CHRNA2: variants seen among roughly 807,000 people sequenced by gnomAD.
CHRNA2 encodes neuronal acetylcholine receptor subunit alpha-2.
Under a neutral mutation model 45.5 loss-of-function variants are expected in CHRNA2, and 40 were observed. The ratio of observed to expected loss-of-function variants is 0.88; its 90% CI spans 0.68 to 1.15. The LOEUF is 1.15. Among genes scored for constraint, CHRNA2 ranks in the 50% most tolerant of loss-of-function variants. The pLI is 0.00. For synonymous variants in CHRNA2, 301 were observed against 296.7 expected, an observed-to-expected ratio of 1.01 and a Z score of -0.15; for missense variants, 655 against 701.7, an observed-to-expected ratio of 0.93 and a Z score of 0.75.
chr8:27,469,663 G>A, intron 3 of CHRNA2, 98 bp downstream of exon 3: 1 of 1,447,286 alleles, frequency 6.9e-7, no homozygotes, highest in South Asian at 1.1e-5. Flanking sequence ...TCACTGCTGT[G>A]CGTGAGGGCA....
rs772487934 is a variant in CHRNA2, at chr8:27,461,715, T to C, written c.1504A>G (p.Arg502Gly). Reference protein sequence around the residue: ...DWKYVAMVIDRIFLWLFIIVC... With the variant: ...DWKYVAMVIDGIFLWLFIIVC... ...ATGATAAACAGCCAGAGGAAGATCC[T>C]GTCGATGACCATGGCAACATACTTC... Residue 502 changes from arginine to glycine, a missense_variant, in exon 7 of 7, where the codon AGG (arginine) becomes GGG (glycine). Physicochemically the swap from Arg to Gly is moderately radical, Grantham distance 125. Coordinates refer to ENST00000407991, the MANE Select transcript of CHRNA2 (RefSeq NM_000742.4). The C allele has an allele frequency of 2.5e-6, 4 of 1,614,218 alleles. No individual in the cohort carries two copies. Among genetic ancestry groups the C allele is most frequent in the Non-Finnish European group, 3.4e-6 (4 of 1,180,012 alleles).
In CHRNA2 at chr8:27,463,826, TAAGTCCAGGA is replaced by T; in HGVS notation, c.607_616del (p.Ser203MetfsTer17). 4 of 1,614,146 alleles carry T rather than the reference TAAGTCCAGGA, an allele frequency of 2.5e-6. No homozygotes were observed. The highest frequency in any genetic ancestry group is 3.4e-6 in the Non-Finnish European group (4 of 1,180,008). ...CTCCAGGTCGATCTTGGCCTTGTCA[TAAGTCCAGGA>T]GCCAAACTTCATCTTGCAGTTCTGC... On this transcript the variant is annotated frameshift_variant, in exon 6 of 7. Transcript: ENST00000407991. LOFTEE classifies it high-confidence loss of function. This position sits in a 1 kb window ranked among gnomAD's most constrained non-coding sequence, Gnocchi z 6.1.
At chr8:27,466,962 A>T (rs1315928196) in intron 5 of CHRNA2, among the ~76,000 whole-genome samples, 3 of 152,214 alleles carry the variant, frequency 2.0e-5, no homozygotes, top group Non-Finnish European at 4.4e-5. Flanking sequence ...TTCAAAGAAT[A>T]CTCAGTATGG....
intron 4 of CHRNA2, 32 bp downstream of exon 4, chr8:27,469,303 C>T (rs757951570): frequency 5.1e-5 from 78 of 1,537,304 alleles, no homozygotes; most frequent in Non-Finnish European, 6.4e-5. Context: ...TCCCGGTACC[C>T]GCCACCTGGA....
Position 27,461,746 on chromosome 8 carries a change from C to T in CHRNA2, c.1473G>A (p.Glu491=), listed in dbSNP as rs1270908053. ...TGACCATGGCAACATACTTCCAGTC[C>T]TCCTTCACCTGTGGGGAAGACAGCA... ...RSEDADSSVK[E]DWKYVAMVID... Residue 491 remains glutamate (E), a synonymous_variant, in exon 7 of 7, where the codon GAG becomes GAA. Transcript: ENST00000407991. 6.2e-7 allele frequency: 1 copy of T among 1,614,132 alleles called. No homozygotes were observed. The highest frequency in any genetic ancestry group is 1.7e-5 in the Admixed American group (1 of 60,024).
At chr8:27,466,853 T>G (rs944565608) in intron 5 of CHRNA2, among the ~76,000 whole-genome samples, 1 of 152,200 alleles carries the variant, frequency 6.6e-6, no homozygotes. Flanking sequence ...ACATGCCCTT[T>G]GAAGGTGCTG....
chr8:27,465,441 A>T (rs970604810), intron 5 of CHRNA2, among the ~76,000 whole-genome samples: 18 of 151,252 alleles, frequency 1.2e-4, no homozygotes, highest in East Asian at 9.7e-4. Flanking sequence ...GTTAAAAAAA[A>T]TTTTTTTTTG....
In CHRNA2 at chr8:27,479,253, C is replaced by CACACACACAT. The variant is rs1439390189; in HGVS notation, c.-567_-566insATGTGTGTGT. The CACACACACAT allele has an allele frequency of 2.1e-5, 3 of 144,198 alleles. No homozygotes were observed. Among genetic ancestry groups the CACACACACAT allele is most frequent in the African/African-American group, 7.8e-5 (3 of 38,464 alleles). The allele number at this position is 144,198 out of a possible 1,614,324, so 8.9% of individuals were successfully genotyped here. On this transcript the variant is annotated 5_prime_UTR_variant, in exon 1 of 7. In the 5' UTR this introduces an upstream ATG that the reference lacks. Coordinates refer to ENST00000407991, the MANE Select transcript of CHRNA2 (RefSeq NM_000742.4). ...CACGCTGTTCTCTCTCTCTCTCACACACACACACACATACACACACACACA... is the reference window on the plus strand; with the variant it reads ...CACGCTGTTCTCTCTCTCTCTCACACACACACACATACACACACACATACACACACACACA...
intron 6 of CHRNA2, among the ~76,000 whole-genome samples, chr8:27,462,719 C>G (rs71519636): frequency 1.3e-5 from 2 of 152,220 alleles, no homozygotes; most frequent in East Asian, 3.9e-4. Flanking sequence ...CCTCCCTCTC[C>G]GGCTCTCAGG....
At chr8:27,476,162 G>T (rs562693166) in intron 1 of CHRNA2, among the ~76,000 whole-genome samples, 1 of 152,288 alleles carries the variant, frequency 6.6e-6, no homozygotes, top group African/African-American at 2.4e-5. Context: ...GTAAGAGAAT[G>T]TACTACCTCA....
intron 1 of CHRNA2, among the ~76,000 whole-genome samples, chr8:27,475,799 C>T (rs938078510): frequency 3.4e-4 from 51 of 152,150 alleles, no homozygotes; most frequent in African/African-American, 1.2e-3. Context: ...GAAATGGGAT[C>T]GCTACATTGA....
rs886062847 is a variant in CHRNA2 at position 27,471,208 on chromosome 8, A to G, written c.-136-14T>C. On this transcript the variant is annotated splice_polypyrimidine_tract_variant and intron_variant, in intron 1 of 6. Transcript: ENST00000407991. ...TCACCACCGAACCTGAGCAAGCCCA[A>G]GAAAGGGCTCTTAGGGTCATGCATC... 46 of 712,896 alleles carry G rather than the reference A, an allele frequency of 6.5e-5. No homozygotes were observed. Among genetic ancestry groups the G allele is most frequent in the Admixed American group, 2.3e-4 (11 of 47,298 alleles). 44.2% of individuals were successfully genotyped at this position (712,896 alleles called of 1,614,324 possible). A position where few individuals can be genotyped will look rare whatever the true frequency, so the allele number is the denominator to read the frequency against.
At chr8:27,467,868 T>G (rs762737207) in intron 4 of CHRNA2, among the ~76,000 whole-genome samples, 1 of 152,064 alleles carries the variant, frequency 6.6e-6, no homozygotes, top group African/African-American at 2.4e-5. Context: ...ACCTTCAAAC[T>G]GCACTCTCAA....
Position 27,461,775 on chromosome 8 carries a change from A to G in CHRNA2, c.1465-21T>C, listed in dbSNP as rs735421. 0.31 allele frequency: 501,053 copies of G among 1,613,550 alleles called. 80,319 individuals are homozygous for G. The highest frequency in any genetic ancestry group is 0.35 in the Middle Eastern group (2,132 of 6,050). On this transcript the variant is annotated intron_variant, in intron 6 of 6. Coordinates refer to ENST00000407991, the MANE Select transcript of CHRNA2 (RefSeq NM_000742.4). Reference sequence around the variant, plus strand: ...TTCACCTGTGGGGAAGACAGCACACAGTGACAGGGGCCAGGCCTGGGAAAG... The same window carrying G: ...TTCACCTGTGGGGAAGACAGCACACGGTGACAGGGGCCAGGCCTGGGAAAG...
Position 27,469,398 on chromosome 8 carries a change from G to C in CHRNA2, c.295-19C>G, listed in dbSNP as rs1304014761. ...TCTCATCCTGGCCCAGAGAGAGACA[G>C]AGGAGCAATTAAAGGGGTGGGCCCA... On this transcript the variant is annotated intron_variant, in intron 3 of 6. Transcript: ENST00000407991. 16 of 1,554,468 alleles carry C rather than the reference G, an allele frequency of 1.0e-5. No individual in the cohort carries two copies. The highest frequency in any genetic ancestry group is 3.6e-5 in the South Asian group (3 of 84,262).
Position 27,469,781 on chromosome 8 carries a change from T to C in CHRNA2, c.274A>G (p.Ile92Val), listed in dbSNP as rs767229210. Reference sequence around the variant, plus strand: ...CGCACCACATCGATGAGCTGAGCGATGGACAGTCCAAAGCGCACAATCACC... The same window carrying C: ...CGCACCACATCGATGAGCTGAGCGACGGACAGTCCAAAGCGCACAATCACC... ...DVVIVRFGLS[I>V]AQLIDVDEKN... The change falls in exon 3 of 7, where the codon ATC becomes GTC. Residue 92 changes from isoleucine to valine, a missense_variant. Physicochemically the swap from Ile to Val is conservative, Grantham distance 29 (BLOSUM62 3). Transcript: ENST00000407991. The C allele has an allele frequency of 1.2e-6, 2 of 1,614,122 alleles. No individual in the cohort carries two copies. Among genetic ancestry groups the C allele is most frequent in the Admixed American group, 1.7e-5 (1 of 60,024 alleles).
intron 5 of CHRNA2, among the ~76,000 whole-genome samples, chr8:27,466,945 C>G (rs1195624983): frequency 6.6e-6 from 1 of 152,222 alleles, no homozygotes; most frequent in Non-Finnish European, 1.5e-5. Flanking sequence ...GAGCCTGCAC[C>G]AAATTTTTCA....
intron 6 of CHRNA2, among the ~76,000 whole-genome samples, chr8:27,461,997 T>C (rs573931195): frequency 7.2e-5 from 11 of 152,244 alleles, no homozygotes; most frequent in Non-Finnish European, 2.9e-5. Context: ...TGCCCAGACC[T>C]GTCCATATTA....
intron 1 of CHRNA2, among the ~76,000 whole-genome samples, chr8:27,477,693 T>C (rs1214435825): frequency 6.6e-6 from 1 of 151,424 alleles, no homozygotes; most frequent in Non-Finnish European, 1.5e-5. Context: ...GTTAGGAAGA[T>C]GTCAAAAAAA....
Sources: allele counts gnomAD v4.1 joint callset (sites outside exome capture counted in the v4.1 genomes callset), GRCh38; gene constraint gnomAD v4.1.1; non-coding constraint Gnocchi (gnomAD v3.1); transcripts MANE v1.5; gene names NCBI Gene and HGNC (gene_info 2026-07-23, HGNC 2026-07-21).